Variants in WDR72 observed in about 807,000 individuals in gnomAD.
WDR72 encodes the protein WD repeat-containing protein 72.
A neutral mutation model predicts 124.2 loss-of-function variants in WDR72; 120 were observed. That is an observed-to-expected ratio of 0.97 (90% CI 0.83 to 1.12). The LOEUF is 1.12. WDR72 is among the 50% of genes most tolerant of loss of function. The pLI, the probability that WDR72 is intolerant of heterozygous loss-of-function variation, is 0.00. For synonymous variants in WDR72, 452 were observed against 441.7 expected, an observed-to-expected ratio of 1.02 and a Z score of -0.29; for missense variants, 1,387 against 1,278.8, an observed-to-expected ratio of 1.08 and a Z score of -1.29.
At chr15:53,560,094 C>T (rs1211555629) in intron 18 of WDR72, among the ~76,000 whole-genome samples, 1 of 151,860 alleles carries the variant, frequency 6.6e-6, no homozygotes, top group African/African-American at 2.4e-5. Context: ...AAAACAGAGC[C>T]AAACAGGAAA....
intron 14 of WDR72, among the ~76,000 whole-genome samples, chr15:53,663,844 C>T (rs1213376462): frequency 6.6e-6 from 1 of 151,918 alleles, no homozygotes; most frequent in Admixed American, 6.6e-5. Flanking sequence ...GGTTCAATTT[C>T]CCACCTTATG....
chr15:53,691,311 A>G (rs1198453954), intron 13 of WDR72, among the ~76,000 whole-genome samples: 4 of 152,154 alleles, frequency 2.6e-5, no homozygotes, highest in Non-Finnish European at 5.9e-5. Context: ...TTAGCCTCCC[A>G]AAGTGCTGAA....
chr15:53,722,901 G>A lies in WDR72; in HGVS notation c.161C>T (p.Ala54Val), dbSNP rs200899249. 5.2e-5 allele frequency: 84 copies of A among 1,613,728 alleles called. No homozygotes were observed. The highest frequency in any genetic ancestry group is 4.5e-5 in the East Asian group (2 of 44,866). ...TGAATGACCAAATAGGAGTTCTTTC[G>A]CTGAAATCTGAAAATAATGAGAGTG... is the stretch of plus-strand genomic sequence containing the variant. ...WNLSHELKIS[A>V]KELLFGHSAS... The change falls in exon 3 of 20, where the codon GCG becomes GTG. Residue 54 changes from alanine to valine, a missense_variant. Coordinates refer to ENST00000360509, the MANE Select transcript of WDR72 (RefSeq NM_182758.4).
chr15:53,614,836 G>A (rs1386345862), intron 15 of WDR72, among the ~76,000 whole-genome samples: 1 of 152,028 alleles, frequency 6.6e-6, no homozygotes, highest in Non-Finnish European at 1.5e-5. Flanking sequence ...CACACAGCTA[G>A]TGTAATCTCA....
At chr15:53,673,490 T>G (rs1297380639) in intron 13 of WDR72, among the ~76,000 whole-genome samples, 1 of 152,210 alleles carries the variant, frequency 6.6e-6, no homozygotes, top group Non-Finnish European at 1.5e-5. Flanking sequence ...ATTGACTTAC[T>G]ATAACTCATG....
intron 14 of WDR72, among the ~76,000 whole-genome samples, chr15:53,646,507 A>G (rs553490655): frequency 2.0e-5 from 3 of 152,248 alleles, no homozygotes; most frequent in East Asian, 3.9e-4. Context: ...ATAGAAAAAG[A>G]AAAGAAATAA....
rs1490781559 is a variant in WDR72, at chr15:53,613,731, T to C, written c.2807A>G (p.Asn936Ser). ...GSSFRMESIH[N>S]KMRGAGNDIL... ...GTCATTCCCAGCACCTCTCATCTTA[T>C]TATGTATACTTTCCATTCTGAAAGA... The change falls in exon 16 of 20, where the codon AAT becomes AGT. Residue 936 changes from asparagine (N) to serine (S), a missense_variant. Coordinates refer to ENST00000360509, the MANE Select transcript of WDR72 (RefSeq NM_182758.4). 3 of 1,608,768 alleles carry C rather than the reference T, an allele frequency of 1.9e-6. No individual in the cohort carries two copies. In the African/African-American group the frequency reaches 4.0e-5, roughly 22 times the overall value.
rs557838200 is a variant in WDR72, at chr15:53,634,084, CTGAG to C, written c.1963-17845_1963-17842del. Among the ~76,000 whole-genome samples, 130 of 152,272 alleles carry C rather than the reference CTGAG, an allele frequency of 8.5e-4. 1 individual carries two copies. The highest frequency in any genetic ancestry group is 8.9e-4 in the African/African-American group (37 of 41,552). On this transcript the variant is annotated intron_variant, in intron 14 of 19. Transcript: ENST00000360509. ...GTTTTGAAAATGATAATGTGCCCTC[CTGAG>C]TAATTCATAGTTTAAAAATACATCA...
chr15:53,755,303 T>C (rs2018871675), intron 1 of WDR72, among the ~76,000 whole-genome samples: 1 of 152,226 alleles, frequency 6.6e-6, no homozygotes, highest in South Asian at 2.1e-4. Flanking sequence ...GGAGAAATAA[T>C]TATCTGTGCT....
chr15:53,567,929 C>T (rs1306540084), intron 18 of WDR72, among the ~76,000 whole-genome samples: 2 of 150,690 alleles, frequency 1.3e-5, no homozygotes, highest in Admixed American at 6.7e-5. Context: ...GTCTTAAATT[C>T]AATATTCCTC....
chr15:53,721,973 C>T (rs1451786829), intron 3 of WDR72, among the ~76,000 whole-genome samples: 1 of 152,080 alleles, frequency 6.6e-6, no homozygotes, highest in Non-Finnish European at 1.5e-5. Context: ...CATCTCTCTG[C>T]CACCATTCTA....
intron 14 of WDR72, among the ~76,000 whole-genome samples, chr15:53,663,091 AAAATAAAT>A (rs200989036): frequency 6.8e-6 from 1 of 147,928 alleles, no homozygotes; most frequent in Non-Finnish European, 1.5e-5. Context: ...CCTGCCTCTA[AAAATAAAT>A]AAATAAATAA....
Position 53,687,259 on chromosome 15 carries a change from T to C in WDR72, c.1765+12491A>G, listed in dbSNP as rs549275335. Among the ~76,000 whole-genome samples the C allele has an allele frequency of 6.9e-4, 102 of 148,540 alleles. 1 individual carries two copies. The highest frequency in any genetic ancestry group is 2.4e-3 in the African/African-American group (95 of 39,910). On this transcript the variant is annotated intron_variant, in intron 13 of 19. Coordinates refer to ENST00000360509, the MANE Select transcript of WDR72 (RefSeq NM_182758.4). ...AGACACAAAAAACCCTTCAAAAAAT[T>C]AATGAATCCAGGAGCTGGTTTTTTG...
intron 13 of WDR72, among the ~76,000 whole-genome samples, chr15:53,695,461 T>C (rs1169357791): frequency 6.6e-6 from 1 of 152,242 alleles, no homozygotes; most frequent in African/African-American, 2.4e-5. Context: ...CGCCCAGAGT[T>C]GTCAGTGCCA....
chr15:53,573,548 C>CT (rs538068129), intron 18 of WDR72, among the ~76,000 whole-genome samples: 9,547 of 143,094 alleles, frequency 0.067, 910 homozygotes, highest in African/African-American at 0.21. Flanking sequence ...TGCTTCTTTT[C>CT]TTTTTTTTTT....
intron 18 of WDR72, among the ~76,000 whole-genome samples, chr15:53,544,538 A>C (rs1025490076): frequency 1.4e-5 from 2 of 147,196 alleles, no homozygotes; most frequent in Non-Finnish European, 3.0e-5. Flanking sequence ...ATCTATGACA[A>C]ACCCACAGCC....
At chr15:53,591,729 C>CACACACACAG (rs983782909) in intron 18 of WDR72, among the ~76,000 whole-genome samples, 1 of 151,032 alleles carries the variant, frequency 6.6e-6, no homozygotes, top group African/African-American at 2.4e-5. Context: ...CACACACACA[C>CACACACACAG]ATATATACCT....
At chr15:53,594,032 G>C (rs952106897) in intron 18 of WDR72, among the ~76,000 whole-genome samples, 7 of 151,952 alleles carry the variant, frequency 4.6e-5, no homozygotes, top group Non-Finnish European at 8.8e-5. Flanking sequence ...AATGTCAGAA[G>C]AAGGGTCTTA....
chr15:53,712,116 A>T (rs2017556123), intron 7 of WDR72, among the ~76,000 whole-genome samples: 1 of 152,236 alleles, frequency 6.6e-6, no homozygotes, highest in Non-Finnish European at 1.5e-5. Context: ...GTATATTTTT[A>T]GTTCTGAAAT....
Sources: allele counts gnomAD v4.1 joint callset (sites outside exome capture counted in the v4.1 genomes callset), GRCh38; gene constraint gnomAD v4.1.1; transcripts MANE v1.5; gene names NCBI Gene and HGNC (gene_info 2026-07-23, HGNC 2026-07-21).